Variants in TBX5 observed in about 807,000 individuals in gnomAD.
TBX5 encodes T-box transcription factor 5, also known as T-box transcription factor TBX5.
In TBX5, 8 loss-of-function variants were observed where a neutral mutation model predicts 51.1. The observed-to-expected ratio is 0.16, with a 90% CI of 0.09 to 0.28. The LOEUF (loss-of-function observed/expected upper bound fraction) is 0.28, where lower values mean the gene tolerates loss of function less well. Among genes scored for constraint, TBX5 ranks in the 10% least tolerant of loss-of-function variants. TBX5 has a pLI of 1.00. For synonymous variants in TBX5, 302 were observed against 266.4 expected (o/e 1.13, Z -1.30); for missense variants, 589 against 671.7 (o/e 0.88, Z 1.36).
intron 6 of TBX5, among the ~76,000 whole-genome samples, chr12:114,388,233 C>T (rs1870933621): frequency 6.6e-6 from 1 of 152,198 alleles, no homozygotes; most frequent in Admixed American, 6.5e-5. Flanking sequence ...TCTCGGCTCA[C>T]TGCAACCTCC....
intron 3 of TBX5, among the ~76,000 whole-genome samples, chr12:114,401,075 G>A (rs1438457161): frequency 6.6e-6 from 1 of 152,068 alleles, no homozygotes; most frequent in African/African-American, 2.4e-5. Flanking sequence ...CCCAGGCCTG[G>A]GCGCGCGCGT....
intron 8 of TBX5, among the ~76,000 whole-genome samples, chr12:114,365,065 GA>G (rs5801051): frequency 0.66 from 97,625 of 147,882 alleles, 32,387 homozygotes; most frequent in Non-Finnish European, 0.74. Flanking sequence ...GGATGACTTA[GA>G]AAAAAAAAAA....
intron 8 of TBX5, among the ~76,000 whole-genome samples, chr12:114,362,895 C>T (rs894754173): frequency 7.2e-5 from 11 of 152,150 alleles, no homozygotes; most frequent in African/African-American, 2.4e-4. Flanking sequence ...AACTCTTGGA[C>T]TCAAGCAATC....
chr12:114,374,986 T>G (rs977611144), intron 7 of TBX5, among the ~76,000 whole-genome samples: 2 of 152,198 alleles, frequency 1.3e-5, no homozygotes, highest in Non-Finnish European at 2.9e-5. Context: ...AATTGTAGAC[T>G]CTAAGCAGTG....
chr12:114,369,814 C>A (rs1053921369), intron 7 of TBX5, among the ~76,000 whole-genome samples: 1 of 149,536 alleles, frequency 6.7e-6, no homozygotes, highest in Non-Finnish European at 1.5e-5. Context: ...TTTTTTTAAT[C>A]ATCATCATCA....
intron 8 of TBX5, 133 bp from the exon 9 acceptor site, chr12:114,356,239 CA>C (rs1333096744): frequency 3.3e-5 from 29 of 875,040 alleles, no homozygotes; most frequent in Non-Finnish European, 5.0e-5. Flanking sequence ...ATTCTGAATA[CA>C]AAAAAAGGGG....
At chr12:114,358,433 C>T (rs1869036949) in intron 8 of TBX5, among the ~76,000 whole-genome samples, 1 of 152,192 alleles carries the variant, frequency 6.6e-6, no homozygotes, top group Non-Finnish European at 1.5e-5. Flanking sequence ...TGTAAAATAG[C>T]TCCCAAACCC....
intron 3 of TBX5, among the ~76,000 whole-genome samples, chr12:114,400,111 ATGCACACGCGTGGG>A (rs1250161655): frequency 6.6e-6 from 1 of 152,138 alleles, no homozygotes; most frequent in African/African-American, 2.4e-5. Flanking sequence ...CGCCCCAGAG[ATGCACACGCGTGGG>A]TGCGCCCAGG....
chr12:114,395,563 T>G (rs2136412011), intron 5 of TBX5, among the ~76,000 whole-genome samples: 1 of 151,936 alleles, frequency 6.6e-6, no homozygotes, highest in African/African-American at 2.4e-5. Context: ...GCTCATAAGG[T>G]GTGGGGAGGA....
rs1460799328 is a variant in TBX5, at chr12:114,355,376, T to TTGAGTG, written c.*155_*156insCACTCA. The stretch of plus-strand genomic sequence containing the variant: ...TTGTGGTTTCAAGCTACTGATTAGA[T>TTGAGTG]CAGCATCCAGCGACCTTGAGTGCAG... On this transcript the variant is annotated 3_prime_UTR_variant, in exon 9 of 9. Coordinates refer to ENST00000405440, the MANE Select transcript of TBX5 (RefSeq NM_181486.4). The TTGAGTG allele has an allele frequency of 2.2e-6, 2 of 917,536 alleles. No homozygotes were observed. Among genetic ancestry groups the TTGAGTG allele is most frequent in the African/African-American group, 3.3e-5 (2 of 60,984 alleles). The allele number at this position is 917,536 out of a possible 1,614,324, so 56.8% of individuals were successfully genotyped here. A position where few individuals can be genotyped will look rare whatever the true frequency, so the allele number is the denominator to read the frequency against.
chr12:114,386,936 A>T lies in TBX5; in HGVS notation c.664-1369T>A, dbSNP rs540875240. Among the ~76,000 whole-genome samples, 4 of 109,404 alleles carry T rather than the reference A, an allele frequency of 3.7e-5. No individual in the cohort carries two copies. In the South Asian group the frequency reaches 1.0e-3, roughly 28 times the overall value. The allele number at this position is 109,404 out of a possible 152,430, so 71.8% of individuals were successfully genotyped here. ...TGGTAAAACCCCATCTCTACAAAAA[A>T]TACAAAATTTAAAAAAAAAAATAGC... On this transcript the variant is annotated intron_variant, in intron 6 of 8. Coordinates refer to ENST00000405440, the MANE Select transcript of TBX5 (RefSeq NM_181486.4).
At chr12:114,380,966 GCA>G (rs572571371) in intron 7 of TBX5, among the ~76,000 whole-genome samples, 1 of 151,868 alleles carries the variant, frequency 6.6e-6, no homozygotes, top group African/African-American at 2.4e-5. Flanking sequence ...AATAAACTTG[GCA>G]CACCCTTTAA....
intron 3 of TBX5, among the ~76,000 whole-genome samples, chr12:114,399,901 T>G (rs980700901): frequency 4.6e-5 from 7 of 152,152 alleles, no homozygotes; most frequent in African/African-American, 1.7e-4. Flanking sequence ...AGAGAACGGG[T>G]TTTGAAGATG....
At chr12:114,373,085 AG>A (rs1233476104) in intron 7 of TBX5, among the ~76,000 whole-genome samples, 1 of 152,102 alleles carries the variant, frequency 6.6e-6, no homozygotes, top group African/African-American at 2.4e-5. Flanking sequence ...TTTGGAGCAG[AG>A]GTTCTTACCC....
At chr12:114,392,365 G>A (rs924005992) in intron 6 of TBX5, among the ~76,000 whole-genome samples, 3 of 152,056 alleles carry the variant, frequency 2.0e-5, no homozygotes, top group Admixed American at 1.3e-4. Flanking sequence ...TACACATGAA[G>A]CTTATCTAGT....
intron 7 of TBX5, among the ~76,000 whole-genome samples, chr12:114,367,245 C>G (rs1211812030): frequency 1.5e-3 from 50 of 32,656 alleles, no homozygotes; most frequent in African/African-American, 6.0e-3. Flanking sequence ...AAAAAAGAAA[C>G]AAAAAAGGAA....
intron 7 of TBX5, among the ~76,000 whole-genome samples, chr12:114,378,215 C>T (rs1310382113): frequency 6.6e-6 from 1 of 152,170 alleles, no homozygotes; most frequent in South Asian, 2.1e-4. Context: ...GTGAAAAGAC[C>T]AGTCATTGCT....
chr12:114,384,063 G>T (rs11067094), intron 7 of TBX5, among the ~76,000 whole-genome samples: 5,498 of 152,184 alleles, frequency 0.036, 294 homozygotes, highest in African/African-American at 0.12. Context: ...CTTTTCCACT[G>T]ACCCTATGGC....
chr12:114,402,296 G>A (rs1871880413), intron 2 of TBX5, among the ~76,000 whole-genome samples: 1 of 151,696 alleles, frequency 6.6e-6, no homozygotes, highest in African/African-American at 2.4e-5. Context: ...AAAAAAACCA[G>A]AGCCAATTTC....
Sources: gnomAD v4.1 joint callset for allele counts (sites outside exome capture counted in the v4.1 genomes callset) on GRCh38, gnomAD v4.1.1 for gene constraint, MANE v1.5 for transcripts, NCBI Gene and HGNC (gene_info 2026-07-23, HGNC 2026-07-21) for gene names.